VAV3: variants seen among roughly 807,000 people sequenced by gnomAD.
The protein encoded by VAV3 is vav guanine nucleotide exchange factor 3.
VAV3 carries 94 observed loss-of-function variants against 131.2 expected under a neutral mutation model. The observed-to-expected ratio is 0.72, with a 90% CI of 0.61 to 0.85. The LOEUF is 0.85. Among genes scored for constraint, VAV3 ranks in the 40% least tolerant of loss-of-function variants. The pLI is 0.00. For synonymous variants in VAV3, 349 were observed against 342.0 expected, an observed-to-expected ratio of 1.02 and a Z score of -0.22; for missense variants, 939 against 1,002.7, an observed-to-expected ratio of 0.94 and a Z score of 0.86.
intron 2 of VAV3, among the ~76,000 whole-genome samples, chr1:107,818,173 C>A (rs569179380): frequency 6.6e-6 from 1 of 152,270 alleles, no homozygotes; most frequent in South Asian, 2.1e-4. Flanking sequence ...TAGAGCTGAT[C>A]TGAATGCAGT....
chr1:107,912,059 T>G (rs1027148816), intron 1 of VAV3, among the ~76,000 whole-genome samples: 3 of 150,422 alleles, frequency 2.0e-5, no homozygotes, highest in Non-Finnish European at 4.5e-5. Flanking sequence ...GTTTGTTTGT[T>G]TGTGTGTGTG....
At chr1:107,963,194 T>C (rs1296862676) in intron 1 of VAV3, among the ~76,000 whole-genome samples, 1 of 152,166 alleles carries the variant, frequency 6.6e-6, no homozygotes, top group Non-Finnish European at 1.5e-5. Flanking sequence ...TGCACAGTAC[T>C]GTACTCCCTA....
chr1:107,787,059 G>A (rs1364788009), intron 2 of VAV3, among the ~76,000 whole-genome samples: 1 of 152,096 alleles, frequency 6.6e-6, no homozygotes, highest in Non-Finnish European at 1.5e-5. Flanking sequence ...AGGGACCTCT[G>A]AAGGACCATT....
At chr1:107,759,665 C>T (rs907529796) in intron 10 of VAV3, among the ~76,000 whole-genome samples, 4 of 151,978 alleles carry the variant, frequency 2.6e-5, no homozygotes, top group African/African-American at 7.2e-5. Context: ...TATAAAACAA[C>T]CCAAGGGAAA....
intron 19 of VAV3, among the ~76,000 whole-genome samples, chr1:107,652,594 T>C (rs530145360): frequency 1.7e-4 from 26 of 152,186 alleles, no homozygotes; most frequent in Admixed American, 1.0e-3. Flanking sequence ...GTTATCTGTT[T>C]ACTTGTTAGT....
At chr1:107,738,481 AATAC>A (rs1204036984) in intron 15 of VAV3, among the ~76,000 whole-genome samples, 2 of 152,206 alleles carry the variant, frequency 1.3e-5, no homozygotes, top group South Asian at 2.1e-4. Context: ...TGAAATGCAC[AATAC>A]ATAGTCTTAT....
rs549503167 is a variant in VAV3, at chr1:107,941,471, G to A, written c.204+23195C>T. Among the ~76,000 whole-genome samples the A allele has an allele frequency of 7.2e-5, 11 of 152,284 alleles. No homozygotes were observed. In the East Asian group the frequency reaches 1.9e-3, roughly 27 times the overall value. On this transcript the variant is annotated intron_variant, in intron 1 of 26. Coordinates refer to ENST00000370056, the MANE Select transcript of VAV3 (RefSeq NM_006113.5). ...TCCAAGTGAACTCTAGAAGATTCGA[G>A]AACTTCTTTTGATTCCAGAACCATT...
chr1:107,801,666 A>C (rs149369838), intron 2 of VAV3, among the ~76,000 whole-genome samples: 1 of 152,252 alleles, frequency 6.6e-6, no homozygotes, highest in African/African-American at 2.4e-5. Context: ...GCTGTTCTGT[A>C]TCTCACTTCC....
intron 1 of VAV3, among the ~76,000 whole-genome samples, chr1:107,901,659 CTTTCA>C (rs1384629004): frequency 6.6e-6 from 1 of 152,106 alleles, no homozygotes; most frequent in African/African-American, 2.4e-5. Flanking sequence ...AATATTTTTC[CTTTCA>C]ATGTACTTGT....
intron 1 of VAV3, among the ~76,000 whole-genome samples, chr1:107,943,973 C>T (rs1674124203): frequency 6.6e-6 from 1 of 152,240 alleles, no homozygotes; most frequent in Admixed American, 6.5e-5. Context: ...CCAGTGCATC[C>T]TGCACTTGCT....
At chr1:107,737,902 C>A (rs1396135507) in intron 15 of VAV3, among the ~76,000 whole-genome samples, 3 of 152,042 alleles carry the variant, frequency 2.0e-5, no homozygotes, top group South Asian at 2.1e-4. Flanking sequence ...AGACACATGC[C>A]CATGTATGTT....
chr1:107,876,236 G>A (rs906971700), intron 1 of VAV3, among the ~76,000 whole-genome samples: 1 of 152,132 alleles, frequency 6.6e-6, no homozygotes, highest in Non-Finnish European at 1.5e-5. Flanking sequence ...GGTCAACACT[G>A]CCCATGGATT....
intron 2 of VAV3, among the ~76,000 whole-genome samples, chr1:107,783,892 C>CAAAAAA (rs55821232): frequency 9.3e-6 from 1 of 107,960 alleles, no homozygotes; most frequent in African/African-American, 3.5e-5. Context: ...ACTAAAAATA[C>CAAAAAA]AAAAAAAAAA....
intron 20 of VAV3, 140 bp from the exon 21 acceptor site, chr1:107,617,772 T>C (rs1653276124): frequency 3.4e-6 from 2 of 588,048 alleles, no homozygotes; most frequent in Non-Finnish European, 5.6e-6. Context: ...ATTAACTTAC[T>C]GTGGATCAGA....
intron 19 of VAV3, among the ~76,000 whole-genome samples, chr1:107,649,522 C>G (rs1308225129): frequency 6.6e-6 from 1 of 151,950 alleles, no homozygotes; most frequent in East Asian, 1.9e-4. Flanking sequence ...TCTTCTAAGG[C>G]ACTGAGGTCC....
At chr1:107,956,780 C>T (rs1364467897) in intron 1 of VAV3, among the ~76,000 whole-genome samples, 1 of 152,018 alleles carries the variant, frequency 6.6e-6, no homozygotes, top group Non-Finnish European at 1.5e-5. Flanking sequence ...GAGCAGTCAG[C>T]ACGGTGCGGG....
chr1:107,818,638 A>T (rs896675867), intron 2 of VAV3, among the ~76,000 whole-genome samples: 4 of 152,236 alleles, frequency 2.6e-5, no homozygotes, highest in Admixed American at 1.3e-4. Context: ...TTAAAAAACA[A>T]GCTGGATTTT....
intron 2 of VAV3, among the ~76,000 whole-genome samples, chr1:107,844,002 T>C (rs1571030810): frequency 6.6e-6 from 1 of 152,004 alleles, no homozygotes; most frequent in East Asian, 1.9e-4. Flanking sequence ...ACTTTAACTT[T>C]TAAAGTTTTC....
chr1:107,935,070 C>CAAACA (rs1673641576), intron 1 of VAV3, among the ~76,000 whole-genome samples: 1 of 152,168 alleles, frequency 6.6e-6, no homozygotes, highest in Non-Finnish European at 1.5e-5. Context: ...TTCCGGTTGG[C>CAAACA]AAACATTCAT....
Sources: gnomAD v4.1 joint callset for allele counts (sites outside exome capture counted in the v4.1 genomes callset) on GRCh38, gnomAD v4.1.1 for gene constraint, MANE v1.5 for transcripts, NCBI Gene and HGNC (gene_info 2026-07-23, HGNC 2026-07-21) for gene names.